Variants in KCNH7 observed in about 807,000 individuals in gnomAD.
KCNH7 encodes potassium voltage-gated channel subfamily H member 7.
KCNH7 carries 49 observed loss-of-function variants against 120.8 expected under a neutral mutation model. That is an observed-to-expected ratio of 0.41 (90% confidence interval 0.32 to 0.51). The LOEUF is 0.51. Ranked by LOEUF, KCNH7 falls within the 20% of genes least tolerant of loss-of-function variation. The pLI, the probability that KCNH7 is intolerant of heterozygous loss-of-function variation, is 0.38. For synonymous variants in KCNH7, 547 were observed against 516.1 expected (o/e 1.06, Z -0.81); for missense variants, 1,097 against 1,446.6 (o/e 0.76, Z 3.92).
intron 6 of KCNH7, among the ~76,000 whole-genome samples, chr2:162,472,141 G>A (rs913549477): frequency 1.1e-4 from 16 of 152,142 alleles, no homozygotes; most frequent in Non-Finnish European, 2.4e-4. Context: ...AACCCTAGAA[G>A]AAAACCTAGG....
chr2:162,822,797 T>C (rs1044946708), intron 2 of KCNH7, among the ~76,000 whole-genome samples: 7 of 152,202 alleles, frequency 4.6e-5, no homozygotes, highest in Non-Finnish European at 8.8e-5. Context: ...TTTTAAACCT[T>C]ACAGTGCATG....
At chr2:162,667,262 C>T (rs1020766085) in intron 2 of KCNH7, among the ~76,000 whole-genome samples, 1 of 152,074 alleles carries the variant, frequency 6.6e-6, no homozygotes, top group African/African-American at 2.4e-5. Flanking sequence ...TTCCAGTGAT[C>T]CTCCTGCCTC....
At chr2:162,613,730 G>A in intron 2 of KCNH7, among the ~76,000 whole-genome samples, 1 of 151,734 alleles carries the variant, frequency 6.6e-6, no homozygotes, top group African/African-American at 2.4e-5. Context: ...AGACAATCAT[G>A]GATGGTATAA....
chr2:162,474,979 C>T (rs1256699418), intron 6 of KCNH7, among the ~76,000 whole-genome samples: 1 of 152,244 alleles, frequency 6.6e-6, no homozygotes, highest in African/African-American at 2.4e-5. Context: ...AGCTCACATT[C>T]TTCCAGCCTT....
At chr2:162,408,131 T>C (rs1353496960) in intron 9 of KCNH7, among the ~76,000 whole-genome samples, 7 of 152,026 alleles carry the variant, frequency 4.6e-5, no homozygotes, top group Admixed American at 3.3e-4. Context: ...GACTCGCCAT[T>C]GCTGTCCATC....
intron 2 of KCNH7, among the ~76,000 whole-genome samples, chr2:162,638,938 C>T (rs1325531894): frequency 2.0e-5 from 3 of 152,106 alleles, no homozygotes; most frequent in Non-Finnish European, 1.5e-5. Flanking sequence ...GTTTGCCAAA[C>T]TTGGCACTAT....
intron 2 of KCNH7, among the ~76,000 whole-genome samples, chr2:162,724,272 C>T (rs1687434155): frequency 6.6e-6 from 1 of 152,040 alleles, no homozygotes; most frequent in Non-Finnish European, 1.5e-5. Flanking sequence ...CAGAAAGTGC[C>T]AATTATTTCT....
rs1337572822 is a variant in KCNH7 at position 162,695,339 on chromosome 2, G to T, written c.307+141198C>A. 2.0e-5 allele frequency among the ~76,000 whole-genome samples: 3 copies of T among 152,106 alleles called. No homozygotes were observed. The East Asian group carries it at 5.8e-4, about 29-fold the overall frequency. On this transcript the variant is annotated intron_variant, in intron 2 of 15. Transcript: ENST00000332142. ...GGATTTAGGGAGGGTGGTGATGGTT[G>T]CAGCAGCACATAGTTTTCAAATTTG...
chr2:162,618,517 G>A (rs1432132307), intron 2 of KCNH7, among the ~76,000 whole-genome samples: 1 of 151,850 alleles, frequency 6.6e-6, no homozygotes, highest in African/African-American at 2.4e-5. Flanking sequence ...AAAACCCCAA[G>A]TACTGATTTG....
At chr2:162,520,615 CA>C (rs961862425) in intron 3 of KCNH7, among the ~76,000 whole-genome samples, 4 of 151,154 alleles carry the variant, frequency 2.6e-5, no homozygotes, top group Admixed American at 1.3e-4. Flanking sequence ...ACAACAACAA[CA>C]AAAAAAACTA....
chr2:162,440,742 C>A (rs926981078), intron 7 of KCNH7, among the ~76,000 whole-genome samples: 3 of 151,866 alleles, frequency 2.0e-5, no homozygotes, highest in African/African-American at 7.3e-5. Context: ...ATTTAATAAC[C>A]TTTATTATTG....
Position 162,374,193 on chromosome 2 carries a change from G to A in KCNH7, c.3132-531C>T, listed in dbSNP as rs1686076787. ...TTATTCATTGTATTCTTTCTTTAAT[G>A]TTTAATGCTGTTAAATGTTAAATTC... On this transcript the variant is annotated intron_variant, in intron 14 of 15. Transcript: ENST00000332142. Among the ~76,000 whole-genome samples the A allele has an allele frequency of 2.6e-5, 4 of 152,150 alleles. No homozygotes were observed. In the South Asian group the frequency reaches 8.3e-4, roughly 32 times the overall value.
At position 162,383,656 on chromosome 2, in the gene KCNH7, T is replaced by C. The variant is rs79444878; in HGVS notation, c.2962+1032A>G. 1.8e-4 allele frequency among the ~76,000 whole-genome samples: 28 copies of C among 152,098 alleles called. 1 individual carries two copies. The East Asian group carries it at 4.8e-3, about 26-fold the overall frequency. On this transcript the variant is annotated intron_variant, in intron 13 of 15. Transcript: ENST00000332142. ...ATCCTACCAGGCCTAGAACATCCTA[T>C]TTTTCCTTTTCTGTTAATATTCTTT...
At chr2:162,500,255 T>C (rs1457564530) in intron 6 of KCNH7, among the ~76,000 whole-genome samples, 1 of 147,902 alleles carries the variant, frequency 6.8e-6, no homozygotes, top group African/African-American at 2.5e-5. Context: ...ACATACTATG[T>C]ATGTATGTAT....
At chr2:162,589,415 G>A (rs181012178) in intron 2 of KCNH7, among the ~76,000 whole-genome samples, 17 of 152,192 alleles carry the variant, frequency 1.1e-4, no homozygotes, top group Admixed American at 9.2e-4. Flanking sequence ...TTGTGTGTGT[G>A]TGTGTCTCAT....
intron 2 of KCNH7, among the ~76,000 whole-genome samples, chr2:162,684,280 C>G (rs951163143): frequency 2.0e-5 from 3 of 151,880 alleles, no homozygotes; most frequent in African/African-American, 7.3e-5. Flanking sequence ...ATTCAAGATA[C>G]AGGCATGGGC....
At chr2:162,499,379 G>A (rs1690601050) in intron 6 of KCNH7, among the ~76,000 whole-genome samples, 1 of 152,024 alleles carries the variant, frequency 6.6e-6, no homozygotes, top group Non-Finnish European at 1.5e-5. Flanking sequence ...TTGGAATTTG[G>A]TAGAAATGGC....
chr2:162,752,151 T>C (rs554909948), intron 2 of KCNH7, among the ~76,000 whole-genome samples: 1 of 152,218 alleles, frequency 6.6e-6, no homozygotes, highest in South Asian at 2.1e-4. Context: ...TAAGCAGAAG[T>C]CATCTAAATA....
At chr2:162,416,104 T>C (rs1687535095) in intron 9 of KCNH7, among the ~76,000 whole-genome samples, 1 of 152,108 alleles carries the variant, frequency 6.6e-6, no homozygotes, top group Admixed American at 6.6e-5. Flanking sequence ...TAAGAATAGC[T>C]CATAGGCTGG....
Sources: gnomAD v4.1 joint callset for allele counts (sites outside exome capture counted in the v4.1 genomes callset) on GRCh38, gnomAD v4.1.1 for gene constraint, MANE v1.5 for transcripts, NCBI Gene and HGNC (gene_info 2026-07-23, HGNC 2026-07-21) for gene names.